KCNN2: variants seen among roughly 807,000 people sequenced by gnomAD.
KCNN2 encodes potassium calcium-activated channel subfamily N member 2.
In KCNN2, 24 loss-of-function variants were observed where a neutral mutation model predicts 55.5. The observed-to-expected ratio is 0.43, with a 90% CI of 0.31 to 0.61. KCNN2 has a LOEUF of 0.61. Among genes scored for constraint, KCNN2 ranks in the 20% least tolerant of loss-of-function variants. The pLI, the probability that KCNN2 is intolerant of heterozygous loss-of-function variation, is 0.08. For synonymous variants in KCNN2, 431 were observed against 336.1 expected, an observed-to-expected ratio of 1.28 and a Z score of -3.09; for missense variants, 754 against 853.6, an observed-to-expected ratio of 0.88 and a Z score of 1.45.
intron 2 of KCNN2, among the ~76,000 whole-genome samples, chr5:114,377,706 A>G (rs1274510283): frequency 6.6e-6 from 1 of 152,120 alleles, no homozygotes; most frequent in East Asian, 1.9e-4. Flanking sequence ...TTTGAGTTAG[A>G]ACTCAGTTTT....
At chr5:114,169,401 G>T (rs947134168) in intron 1 of KCNN2, among the ~76,000 whole-genome samples, 1 of 152,098 alleles carries the variant, frequency 6.6e-6, no homozygotes, top group South Asian at 2.1e-4. Flanking sequence ...GTAAGAGTCA[G>T]AGTGGGAGAG....
intron 1 of KCNN2, among the ~76,000 whole-genome samples, chr5:114,091,055 A>T (rs949813685): frequency 2.0e-5 from 3 of 151,970 alleles, no homozygotes; most frequent in African/African-American, 7.3e-5. Context: ...GCTCAGACTG[A>T]TCTCAAACTC....
chr5:114,109,385 T>C (rs1393517493), intron 1 of KCNN2, among the ~76,000 whole-genome samples: 1 of 152,100 alleles, frequency 6.6e-6, no homozygotes, highest in African/African-American at 2.4e-5. Context: ...CTTTGCCTTA[T>C]GCTCTTGGTT....
chr5:114,344,335 T>C (rs1757069974), intron 2 of KCNN2, among the ~76,000 whole-genome samples: 1 of 152,216 alleles, frequency 6.6e-6, no homozygotes, highest in Admixed American at 6.5e-5. Flanking sequence ...GAAGACTGTA[T>C]ACTCACAGCA....
chr5:114,429,818 CT>C (rs61595962), intron 3 of KCNN2, among the ~76,000 whole-genome samples: 15,093 of 70,562 alleles, frequency 0.21, 842 homozygotes, highest in African/African-American at 0.29. Context: ...TATATAGATG[CT>C]TTTTTTTTTT....
At chr5:114,495,663 C>T (rs1300314294) in intron 7 of KCNN2, among the ~76,000 whole-genome samples, 1 of 152,170 alleles carries the variant, frequency 6.6e-6, no homozygotes, top group Non-Finnish European at 1.5e-5. Flanking sequence ...CCACCAGTAG[C>T]AGTACCTGCT....
At chr5:114,274,496 T>C (rs1425600835) in intron 2 of KCNN2, among the ~76,000 whole-genome samples, 1 of 152,188 alleles carries the variant, frequency 6.6e-6, no homozygotes, top group East Asian at 1.9e-4. Context: ...TTTGTTTGTG[T>C]CCTCCTTTAT....
intron 1 of KCNN2, among the ~76,000 whole-genome samples, chr5:114,140,229 C>A (rs893051629): frequency 1.3e-5 from 2 of 152,078 alleles, no homozygotes; most frequent in African/African-American, 4.8e-5. Context: ...GTGAAGAGAT[C>A]TTGATATTAA....
At chr5:114,353,309 A>G (rs1489461725) in intron 2 of KCNN2, among the ~76,000 whole-genome samples, 1 of 151,532 alleles carries the variant, frequency 6.6e-6, no homozygotes, top group Non-Finnish European at 1.5e-5. Context: ...GGTCCTCTTC[A>G]TTTCTTCCTG....
intron 1 of KCNN2, among the ~76,000 whole-genome samples, chr5:114,171,775 A>G (rs1753038141): frequency 6.6e-6 from 1 of 151,724 alleles, no homozygotes; most frequent in African/African-American, 2.4e-5. Context: ...CTACTCACTA[A>G]TGATTTTTCA....
intron 1 of KCNN2, among the ~76,000 whole-genome samples, chr5:114,074,333 C>T (rs531454943): frequency 0.016 from 2,250 of 140,852 alleles, 69 homozygotes; most frequent in African/African-American, 0.063. Flanking sequence ...TGTGTGTGCG[C>T]GCGCGCGCCA....
chr5:114,304,433 C>T (rs1561563277), intron 2 of KCNN2, among the ~76,000 whole-genome samples: 1 of 152,080 alleles, frequency 6.6e-6, no homozygotes, highest in Non-Finnish European at 1.5e-5. Context: ...CTGAGCCTAC[C>T]CACCCTTATG....
At chr5:114,474,384 G>T (rs570427438) in intron 5 of KCNN2, among the ~76,000 whole-genome samples, 11 of 152,086 alleles carry the variant, frequency 7.2e-5, no homozygotes, top group Non-Finnish European at 1.5e-4. Context: ...GAGCCTCCCA[G>T]GTTCAGATGC....
chr5:114,193,176 C>T (rs1287058038), intron 1 of KCNN2, among the ~76,000 whole-genome samples: 4 of 152,114 alleles, frequency 2.6e-5, no homozygotes, highest in Non-Finnish European at 5.9e-5. Context: ...TCATCCAGCT[C>T]TTCAAATGTC....
At chr5:114,212,053 A>G (rs1302906113) in intron 1 of KCNN2, among the ~76,000 whole-genome samples, 1 of 151,856 alleles carries the variant, frequency 6.6e-6, no homozygotes, top group Non-Finnish European at 1.5e-5. Context: ...TTAAGTGTAT[A>G]TCTTATACTT....
intron 1 of KCNN2, among the ~76,000 whole-genome samples, chr5:114,110,009 TAA>T (rs1478021982): frequency 6.6e-6 from 1 of 152,064 alleles, no homozygotes; most frequent in African/African-American, 2.4e-5. Flanking sequence ...AAGGCTCTTA[TAA>T]AAGAGGCTTC....
upstream of KCNN2, among the ~76,000 whole-genome samples, chr5:114,359,180 A>G (rs1757358162): frequency 6.6e-6 from 1 of 152,188 alleles, no homozygotes; most frequent in African/African-American, 2.4e-5. Flanking sequence ...AAATTATTTT[A>G]TGAGCTTTTT....
intron 2 of KCNN2, among the ~76,000 whole-genome samples, chr5:114,385,515 GCGCGCACA>G (rs934934423): frequency 1.7e-4 from 11 of 65,458 alleles, no homozygotes; most frequent in African/African-American, 6.9e-4. Flanking sequence ...ATACACACAT[GCGCGCACA>G]CACACACACA....
chr5:114,105,546 C>G (rs556624384), intron 1 of KCNN2, among the ~76,000 whole-genome samples: 1 of 152,030 alleles, frequency 6.6e-6, no homozygotes, highest in Non-Finnish European at 1.5e-5. Context: ...TTAAGATGTG[C>G]TTTGCTTCCA....
Sources: gnomAD v4.1 joint callset for allele counts (sites outside exome capture counted in the v4.1 genomes callset) on GRCh38, gnomAD v4.1.1 for gene constraint, MANE v1.5 for transcripts, NCBI Gene and HGNC (gene_info 2026-07-23, HGNC 2026-07-21) for gene names.